The following SGCD variants were observed in gnomAD, a reference collection of about 807,000 sequenced individuals.
SGCD encodes sarcoglycan delta.
SGCD carries 18 observed loss-of-function variants against 36.6 expected under a neutral mutation model. The observed-to-expected ratio is 0.49, with a 90% CI of 0.34 to 0.73. SGCD has a LOEUF of 0.73. SGCD is among the 30% of genes least tolerant of loss of function. SGCD has a pLI of 0.01. For synonymous variants in SGCD, 133 were observed against 130.6 expected (o/e 1.02, Z -0.12); for missense variants, 387 against 346.7 (o/e 1.12, Z -0.92).
chr5:156,521,674 A>G (rs1438796817), intron 4 of SGCD, among the ~76,000 whole-genome samples: 7 of 152,200 alleles, frequency 4.6e-5, no homozygotes, highest in African/African-American at 1.4e-4. Flanking sequence ...CAAAATGGCT[A>G]TTACTGAAAG....
chr5:155,771,091 T>A, the SGCD span, among the ~76,000 whole-genome samples: 2 of 150,530 alleles, frequency 1.3e-5, no homozygotes, highest in South Asian at 4.2e-4. Context: ...ACTTAGAACA[T>A]AAATGGTCCT....
chr5:156,111,383 G>T (rs1032528341), intron 1 of SGCD, among the ~76,000 whole-genome samples: 1 of 152,124 alleles, frequency 6.6e-6, no homozygotes, highest in Non-Finnish European at 1.5e-5. Context: ...TTGAGAATTT[G>T]GGATTTCATT....
chr5:156,626,795 C>A (rs565164175), intron 6 of SGCD, among the ~76,000 whole-genome samples: 3 of 151,074 alleles, frequency 2.0e-5, no homozygotes, highest in Middle Eastern at 3.2e-3. Flanking sequence ...CACTCCCCCC[C>A]ACCCTGCTTT....
chr5:155,752,644 T>C, the SGCD span, among the ~76,000 whole-genome samples: 2 of 152,144 alleles, frequency 1.3e-5, no homozygotes, highest in Non-Finnish European at 2.9e-5. Context: ...ACAAAACACT[T>C]AGCACAGTTA....
At chr5:156,289,108 C>G (rs562914179) in intron 3 of SGCD, among the ~76,000 whole-genome samples, 49 of 151,966 alleles carry the variant, frequency 3.2e-4, no homozygotes, top group Non-Finnish European at 5.9e-4. Flanking sequence ...ATAAAGTTCT[C>G]TGTTAAAGAG....
chr5:156,413,132 C>T (rs1772858727), intron 3 of SGCD, among the ~76,000 whole-genome samples: 1 of 152,070 alleles, frequency 6.6e-6, no homozygotes, highest in African/African-American at 2.4e-5. Context: ...AGGACACAGC[C>T]TTATAGAGTA....
chr5:156,162,407 TGTGATGGAG>T (rs1242102111), intron 3 of SGCD, among the ~76,000 whole-genome samples: 1 of 151,474 alleles, frequency 6.6e-6, no homozygotes, highest in Non-Finnish European at 1.5e-5. Context: ...TTGAGGTGTG[TGTGATGGAG>T]GTTGTTCTGC....
chr5:155,910,516 C>A (rs957878683), intron 1 of SGCD, among the ~76,000 whole-genome samples: 1 of 151,878 alleles, frequency 6.6e-6, no homozygotes, highest in East Asian at 1.9e-4. Flanking sequence ...GGAATTTTAG[C>A]CAAGGTAGTA....
chr5:155,980,893 A>T (rs1758215554), intron 1 of SGCD, among the ~76,000 whole-genome samples: 1 of 150,146 alleles, frequency 6.7e-6, no homozygotes, highest in African/African-American at 2.5e-5. Flanking sequence ...AAGAAAGAAG[A>T]ATTGTCAGTT....
intron 3 of SGCD, among the ~76,000 whole-genome samples, chr5:156,174,149 A>G (rs1763409974): frequency 6.6e-6 from 1 of 151,854 alleles, no homozygotes; most frequent in African/African-American, 2.4e-5. Flanking sequence ...GCAGAAAATG[A>G]ATCTGAGGGG....
At chr5:156,558,979 G>C (rs1442404191) in intron 4 of SGCD, among the ~76,000 whole-genome samples, 1 of 151,664 alleles carries the variant, frequency 6.6e-6, no homozygotes, top group African/African-American at 2.4e-5. Flanking sequence ...TTGGTGAATG[G>C]ATTGCCAAAG....
intron 3 of SGCD, among the ~76,000 whole-genome samples, chr5:156,425,559 T>G (rs139437299): frequency 6.7e-6 from 1 of 149,326 alleles, no homozygotes; most frequent in Non-Finnish European, 1.5e-5. Context: ...GGATGACGGG[T>G]TTTTTTTATT....
chr5:156,169,316 G>A (rs1041217870), intron 3 of SGCD, among the ~76,000 whole-genome samples: 4 of 152,260 alleles, frequency 2.6e-5, no homozygotes, highest in East Asian at 1.9e-4. Flanking sequence ...GCTAAGCAGC[G>A]GTCTTGTCGC....
At chr5:155,981,561 A>G (rs1177701364) in intron 1 of SGCD, among the ~76,000 whole-genome samples, 2 of 152,146 alleles carry the variant, frequency 1.3e-5, no homozygotes, top group African/African-American at 4.8e-5. Context: ...CCCAATGTTC[A>G]TGCCTTTACT....
chr5:156,376,766 T>C (rs1297984907), intron 3 of SGCD, among the ~76,000 whole-genome samples: 2 of 152,176 alleles, frequency 1.3e-5, no homozygotes, highest in African/African-American at 4.8e-5. Context: ...TTATTGAACT[T>C]GCCATAGTCT....
chr5:155,895,929 G>C (rs954007594), intron 1 of SGCD, among the ~76,000 whole-genome samples: 1 of 152,252 alleles, frequency 6.6e-6, no homozygotes, highest in Admixed American at 6.5e-5. Context: ...TGCTGTGAGA[G>C]AAGTGACCTG....
chr5:156,241,287 T>TGTGTGTGTGTGTGC (rs1023757470), intron 3 of SGCD, among the ~76,000 whole-genome samples: 1 of 148,480 alleles, frequency 6.7e-6, no homozygotes, highest in African/African-American at 2.5e-5. Context: ...TGTGTGTGTG[T>TGTGTGTGTGTGTGC]GCATGTATGT....
the SGCD span, among the ~76,000 whole-genome samples, chr5:155,794,628 C>T: frequency 0.017 from 2,646 of 151,972 alleles, 86 homozygotes; most frequent in African/African-American, 0.059. Context: ...AACCTATCCA[C>T]CTGCAGCACA....
intron 1 of SGCD, among the ~76,000 whole-genome samples, chr5:156,013,581 T>C (rs1758905397): frequency 6.6e-6 from 1 of 152,214 alleles, no homozygotes; most frequent in African/African-American, 2.4e-5. Context: ...TTAAGCTTTT[T>C]TCTTTGATTA....
Sources: allele counts gnomAD v4.1 joint callset (sites outside exome capture counted in the v4.1 genomes callset), GRCh38; gene constraint gnomAD v4.1.1; transcripts MANE v1.5; gene names NCBI Gene and HGNC (gene_info 2026-07-23, HGNC 2026-07-21).